EFR3A: variants seen among roughly 807,000 people sequenced by gnomAD.
EFR3A encodes the protein protein EFR3 homolog A.
A neutral mutation model predicts 104.4 loss-of-function variants in EFR3A; 76 were observed. The observed-to-expected ratio is 0.73, with a 90% CI of 0.60 to 0.88. The LOEUF is 0.88. Ranked by LOEUF, EFR3A falls within the 40% of genes least tolerant of loss-of-function variation. The pLI, the probability that EFR3A is intolerant of heterozygous loss-of-function variation, is 0.00. For missense variants in EFR3A, 985 were observed against 1,012.5 expected, an observed-to-expected ratio of 0.97 and a Z score of 0.37; for synonymous variants, 330 against 330.0, an observed-to-expected ratio of 1.00 and a Z score of 0.00.
At chr8:131,982,975 A>G (rs1003967420) in intron 14 of EFR3A, among the ~76,000 whole-genome samples, 12 of 152,308 alleles carry the variant, frequency 7.9e-5, no homozygotes, top group African/African-American at 2.4e-4. Context: ...ACACACATTT[A>G]AGCTGACTTA....
At chr8:131,912,860 A>G (rs918331631) in intron 1 of EFR3A, among the ~76,000 whole-genome samples, 2 of 152,188 alleles carry the variant, frequency 1.3e-5, no homozygotes, top group African/African-American at 4.8e-5. Context: ...ATACTGGCTT[A>G]GGAAAACAGC....
chr8:131,974,593 A>G (rs924183689), intron 10 of EFR3A, among the ~76,000 whole-genome samples: 1 of 152,222 alleles, frequency 6.6e-6, no homozygotes, highest in Non-Finnish European at 1.5e-5. Flanking sequence ...GACTTCTCTT[A>G]TCCTCATTTC....
chr8:132,012,608 T>G lies in EFR3A; in HGVS notation c.*1713T>G, dbSNP rs1456346203. 1 of 152,512 alleles carries G rather than the reference T, an allele frequency of 6.6e-6. No individual in the cohort carries two copies. The highest frequency in any genetic ancestry group is 1.5e-5 in the Non-Finnish European group (1 of 68,006). The allele number at this position is 152,512 out of a possible 1,614,324, so 9.4% of individuals were successfully genotyped here. A position where few individuals can be genotyped will look rare whatever the true frequency, so the allele number is the denominator to read the frequency against. Reference sequence around the variant, plus strand: ...ATTTTTTTAATTGCCCTTTTTTCCTTCTGTATTTTTAAAGAAGGATGTTAA... The same window carrying G: ...ATTTTTTTAATTGCCCTTTTTTCCTGCTGTATTTTTAAAGAAGGATGTTAA... On this transcript the variant is annotated 3_prime_UTR_variant, in exon 23 of 23. Coordinates refer to ENST00000254624, the MANE Select transcript of EFR3A (RefSeq NM_015137.6).
chr8:131,938,397 T>G (rs1469353893), intron 1 of EFR3A: 1 of 392,570 alleles, frequency 2.5e-6, no homozygotes, highest in East Asian at 3.6e-5. Flanking sequence ...ATATAGTAAT[T>G]TCTTTTGTGA....
chr8:131,938,982 G>A (rs1430253882), intron 1 of EFR3A, among the ~76,000 whole-genome samples: 6 of 152,090 alleles, frequency 3.9e-5, no homozygotes, highest in African/African-American at 1.4e-4. Context: ...AGTTATGGTT[G>A]TGAACCATAT....
rs111996170 is a variant in EFR3A at position 131,984,691 on chromosome 8, G to GTA, written c.1738-228_1738-227dup. On this transcript the variant is annotated intron_variant, in intron 15 of 22. Transcript: ENST00000254624. The stretch of plus-strand genomic sequence containing the variant: ...CATATATGCATGTCCGTGTGTGTGT[G>GTA]TATATATATATGAGAACAGGAAAGG... Among the ~76,000 whole-genome samples, 19 of 152,140 alleles carry GTA rather than the reference G, an allele frequency of 1.2e-4. 1 individual carries two copies. The highest frequency in any genetic ancestry group is 1.8e-4 in the Non-Finnish European group (12 of 67,980).
chr8:131,961,846 G>GT (rs1243623071), intron 8 of EFR3A, among the ~76,000 whole-genome samples: 4 of 150,720 alleles, frequency 2.7e-5, no homozygotes, highest in Non-Finnish European at 5.9e-5. Context: ...GCCCATCAGA[G>GT]TAACAGCGGA....
chr8:131,905,003 C>T (rs1172874730), intron 1 of EFR3A, among the ~76,000 whole-genome samples: 1 of 152,176 alleles, frequency 6.6e-6, no homozygotes, highest in Non-Finnish European at 1.5e-5. Flanking sequence ...CAAGGCACCC[C>T]AAAGTTTAAA....
At position 131,950,084 on chromosome 8, in the gene EFR3A, G is replaced by T; in HGVS notation, c.482G>T (p.Arg161Leu). The change falls in exon 5 of 23, where the codon CGA (arginine) becomes CTA (leucine). Residue 161 changes from arginine (R) to leucine (L), a missense_variant. Arg to Leu is a moderately radical substitution (Grantham distance 102). Coordinates refer to ENST00000254624, the MANE Select transcript of EFR3A (RefSeq NM_015137.6). ...CHSCHSDPEI[R>L]TEIRIAGIRG... ...TCCTGTCATAGTGATCCAGAAATAC[G>T]AACAGAGTATGTATTATTTTACTTT... is the stretch of plus-strand genomic sequence containing the variant. 2 of 1,605,674 alleles carry T rather than the reference G, an allele frequency of 1.2e-6. No homozygotes were observed. Among genetic ancestry groups the T allele is most frequent in the South Asian group, 1.1e-5 (1 of 89,904 alleles).
Position 131,985,058 on chromosome 8 carries a change from A to C in EFR3A, c.1867A>C (p.Lys623Gln). The change falls in exon 16 of 23, where the codon AAG becomes CAG. Residue 623 changes from lysine (K) to glutamine (Q), a missense_variant and splice_region_variant. Lys to Gln is a moderately conservative substitution (Grantham distance 53). Coordinates refer to ENST00000254624, the MANE Select transcript of EFR3A (RefSeq NM_015137.6). Reference protein sequence around the residue: ...AVPAFCQHVSKVIEIRTMEAP... With the variant: ...AVPAFCQHVSQVIEIRTMEAP... ...CCCTGCATTTTGCCAGCATGTTAGCAAGGTAATGTATTTAGAAAAGTCCTT... is the reference window on the plus strand; with the variant it reads ...CCCTGCATTTTGCCAGCATGTTAGCCAGGTAATGTATTTAGAAAAGTCCTT... 6.2e-7 allele frequency: 1 copy of C among 1,612,940 alleles called. No homozygotes were observed.
At chr8:131,979,098 T>A in intron 13 of EFR3A, 79 bp downstream of exon 13, 1 of 1,372,552 alleles carries the variant, frequency 7.3e-7, no homozygotes, top group Non-Finnish European at 9.9e-7. Context: ...TTGTGATTTT[T>A]AAAAATCTAG....
chr8:131,998,956 G>C (rs977160626), intron 19 of EFR3A, among the ~76,000 whole-genome samples: 2 of 151,884 alleles, frequency 1.3e-5, no homozygotes, highest in African/African-American at 2.4e-5. Flanking sequence ...GACTAAAATA[G>C]AACAGAGGCA....
chr8:131,904,403 G>T, intron 1 of EFR3A, 81 bp downstream of exon 1: 1 of 1,176,726 alleles, frequency 8.5e-7, no homozygotes, highest in Non-Finnish European at 1.1e-6. Context: ...CCTCCCGGGC[G>T]GCTGGGGAGG....
chr8:131,989,916 A>G (rs912974994), intron 18 of EFR3A, among the ~76,000 whole-genome samples: 8 of 152,164 alleles, frequency 5.3e-5, no homozygotes, highest in Non-Finnish European at 1.2e-4. Context: ...TATTTTACTT[A>G]TCTCTTATCA....
rs1820876536 is a variant in EFR3A, at chr8:131,986,279, AT to A, written c.1937+22del. The A allele has an allele frequency of 1.5e-6, 2 of 1,365,860 alleles. No homozygotes were observed. Among genetic ancestry groups the A allele is most frequent in the African/African-American group, 2.9e-5 (2 of 69,100 alleles). 84.6% of individuals were successfully genotyped at this position (1,365,860 alleles called of 1,614,324 possible). On this transcript the variant is annotated intron_variant, in intron 17 of 22. Coordinates refer to ENST00000254624, the MANE Select transcript of EFR3A (RefSeq NM_015137.6). ...AAGTGCATGTATGTTAATTCTTTAC[AT>A]TTTAAGGATGGGGTACTGACTTGAT...
chr8:131,957,659 A>G (rs1819083005), intron 7 of EFR3A, among the ~76,000 whole-genome samples: 2 of 152,286 alleles, frequency 1.3e-5, no homozygotes, highest in African/African-American at 4.8e-5. Flanking sequence ...CAGGGCCAGT[A>G]TCTTTTAATG....
At chr8:131,925,094 G>A (rs909932070) in intron 1 of EFR3A, among the ~76,000 whole-genome samples, 1 of 152,002 alleles carries the variant, frequency 6.6e-6, no homozygotes, top group African/African-American at 2.4e-5. Flanking sequence ...CTTAGTCTTA[G>A]TTCCTTAGTC....
At chr8:131,937,800 C>G (rs995760267) in intron 1 of EFR3A, among the ~76,000 whole-genome samples, 3 of 98,446 alleles carry the variant, frequency 3.0e-5, no homozygotes, top group Admixed American at 1.0e-4. Context: ...TTTTTTCTTT[C>G]TTTTGGGAAA....
intron 1 of EFR3A, among the ~76,000 whole-genome samples, chr8:131,916,227 T>TA (rs1418090391): frequency 7.2e-5 from 11 of 152,182 alleles, no homozygotes; most frequent in Non-Finnish European, 1.3e-4. Context: ...GAAAAGCAGT[T>TA]AGAGGTTATT....
Sources: gnomAD v4.1 joint callset for allele counts (sites outside exome capture counted in the v4.1 genomes callset) on GRCh38, gnomAD v4.1.1 for gene constraint, MANE v1.5 for transcripts, NCBI Gene and HGNC (gene_info 2026-07-23, HGNC 2026-07-21) for gene names.